The following PHF20L1 variants were observed in gnomAD, a reference collection of about 807,000 sequenced individuals.
PHF20L1 encodes PHD finger protein 20-like protein 1.
Under a neutral mutation model 125.5 loss-of-function variants are expected in PHF20L1, and 44 were observed. The ratio of observed to expected loss-of-function variants is 0.35; its 90% CI spans 0.28 to 0.45. The LOEUF (loss-of-function observed/expected upper bound fraction) is 0.45. Among genes scored for constraint, PHF20L1 ranks in the 20% least tolerant of loss-of-function variants. PHF20L1 has a pLI of 1.00. For synonymous variants in PHF20L1, 380 were observed against 403.1 expected, an observed-to-expected ratio of 0.94 and a Z score of 0.69; for missense variants, 1,012 against 1,217.2, an observed-to-expected ratio of 0.83 and a Z score of 2.51.
intron 19 of PHF20L1, 136 bp downstream of exon 19, chr8:132,843,011 A>G: frequency 7.1e-7 from 1 of 1,404,978 alleles, no homozygotes; most frequent in Non-Finnish European, 9.3e-7. Context: ...AAGTAAGGAG[A>G]TTTTTTTGTT....
At chr8:132,822,744 C>T (rs1046313802) in intron 12 of PHF20L1, among the ~76,000 whole-genome samples, 3 of 151,868 alleles carry the variant, frequency 2.0e-5, no homozygotes, top group African/African-American at 7.2e-5. Context: ...TAGGTTTAAA[C>T]TTACTTGCTA....
At chr8:132,785,539 G>A (rs1210371583) in intron 2 of PHF20L1, among the ~76,000 whole-genome samples, 1 of 152,066 alleles carries the variant, frequency 6.6e-6, no homozygotes, top group Admixed American at 6.6e-5. Context: ...GCTTAGTTCT[G>A]CTGTTCTTCA....
Position 132,842,522 on chromosome 8 carries a change from C to T in PHF20L1, c.2395C>T (p.His799Tyr), listed in dbSNP as rs983168721. The T allele has an allele frequency of 1.3e-6, 2 of 1,584,050 alleles. No homozygotes were observed. Among genetic ancestry groups the T allele is most frequent in the Non-Finnish European group, 1.7e-6 (2 of 1,170,658 alleles). The change falls in exon 19 of 21, where the codon CAT becomes TAT. Residue 799 changes from histidine to tyrosine, a missense_variant. Physicochemically the swap from His to Tyr is moderately conservative, Grantham distance 83. Transcript: ENST00000395386. ...TTCCAACTTTGTTTTAAGGAATAAA[C>T]ATCATCCTGACCTTCATCTCTGGGC... ...QLKIGILKNKHHPDLHLWACS... is the reference protein window; with the variant it reads ...QLKIGILKNKYHPDLHLWACS...
intron 15 of PHF20L1, among the ~76,000 whole-genome samples, chr8:132,833,919 C>T (rs757121017): frequency 5.9e-5 from 9 of 152,036 alleles, no homozygotes; most frequent in Non-Finnish European, 2.9e-5. Flanking sequence ...ATTTCTGGGC[C>T]TCACCCTCAG....
chr8:132,808,510 A>G, intron 8 of PHF20L1: 1 of 152,092 alleles, frequency 6.6e-6, no homozygotes, highest in Non-Finnish European at 1.5e-5. Flanking sequence ...AATATATTGA[A>G]TAGCAAGATT....
chr8:132,807,647 C>A, intron 8 of PHF20L1: 1 of 439,598 alleles, frequency 2.3e-6, no homozygotes, highest in South Asian at 1.6e-5. Context: ...AAGAATGTAA[C>A]CACTTTGCTC....
rs748950641 is a variant in PHF20L1, at chr8:132,839,563, C to T, written c.2368C>T (p.Leu790=). 3 of 1,612,614 alleles carry T rather than the reference C, an allele frequency of 1.9e-6. No individual in the cohort carries two copies. The East Asian group carries it at 6.7e-5, about 36-fold the overall frequency. ...GVTEVLHGLQ[L]KIGILKNKHH... Reference sequence around the variant, plus strand: ...TACAGAAGTGCTACACGGGCTACAGCTGAAGATTGGAATACTAAAGTAAGT... The same window carrying T: ...TACAGAAGTGCTACACGGGCTACAGTTGAAGATTGGAATACTAAAGTAAGT... The change falls in exon 18 of 21, where the codon CTG becomes TTG. Residue 790 remains leucine (L), a synonymous_variant. Transcript: ENST00000395386.
At chr8:132,820,549 A>G (rs1835464203) in intron 12 of PHF20L1, among the ~76,000 whole-genome samples, 1 of 151,958 alleles carries the variant, frequency 6.6e-6, no homozygotes, top group African/African-American at 2.4e-5. Context: ...GTAAAGGAAC[A>G]AAAGATTGCC....
rs201438683 is a variant in PHF20L1 at position 132,843,526 on chromosome 8, TAA to T, written c.2749-628_2749-627del. The T allele has an allele frequency of 7.6e-4, 751 of 985,030 alleles. 4 individuals carry two copies. In the African/African-American group the frequency reaches 0.012, roughly 16 times the overall value. 61.0% of individuals were successfully genotyped at this position (985,030 alleles called of 1,614,324 possible). A position where few individuals can be genotyped will look rare whatever the true frequency, so the allele number is the denominator to read the frequency against. ...ATTGGAACGTTTGTATTTCGTATCA[TAA>T]AGTTTGTGGTAAGTTATTTTGTTTA... On this transcript the variant is annotated intron_variant, in intron 19 of 20. Coordinates refer to ENST00000395386, the MANE Select transcript of PHF20L1 (RefSeq NM_016018.5).
chr8:132,815,058 T>C, intron 10 of PHF20L1, 169 bp downstream of exon 10: 1 of 524,274 alleles, frequency 1.9e-6, no homozygotes, highest in East Asian at 3.1e-5. Flanking sequence ...CATTTCTTAC[T>C]GATTTATTGC....
intron 6 of PHF20L1, among the ~76,000 whole-genome samples, chr8:132,803,169 T>G (rs1324176302): frequency 6.6e-6 from 1 of 151,410 alleles, no homozygotes; most frequent in Non-Finnish European, 1.5e-5. Context: ...GTATAGGGAG[T>G]TAATGTGGAG....
chr8:132,783,109 G>C lies in PHF20L1; in HGVS notation c.83+5198G>C, dbSNP rs1830622274. On this transcript the variant is annotated intron_variant, in intron 2 of 20. Coordinates refer to ENST00000395386, the MANE Select transcript of PHF20L1 (RefSeq NM_016018.5). ...AACACAAGAGATTAAATAACATGCT[G>C]TGGTGTTAATCTTAAAATAAATTTG... Among the ~76,000 whole-genome samples, 5 of 152,250 alleles carry C rather than the reference G, an allele frequency of 3.3e-5. No homozygotes were observed. The South Asian group carries it at 1.0e-3, about 32-fold the overall frequency.
At position 132,842,578 on chromosome 8, in the gene PHF20L1, A is replaced by G; in HGVS notation, c.2451A>G (p.Gln817=). The G allele has an allele frequency of 6.2e-7, 1 of 1,612,940 alleles. No homozygotes were observed. Among genetic ancestry groups the G allele is most frequent in the Non-Finnish European group, 8.5e-7 (1 of 1,179,466 alleles). ...CCGGGAAGCGAAAAGACCAAGATCA[A>G]ATAATAGCTGGGGTGGAGAAAAAAA... ...ACSGKRKDQD[Q]IIAGVEKKIA... The change falls in exon 19 of 21, where the codon CAA becomes CAG. Residue 817 remains glutamine (Q), a synonymous_variant. Transcript: ENST00000395386.
In PHF20L1 at chr8:132,848,293, A is replaced by G. The variant is rs926279950; in HGVS notation, c.*2370A>G. Reference sequence around the variant, plus strand: ...TAGATCTTTAAATCAAATTATTTTTATGCATATTTTCATTTAATATAGAGT... The same window carrying G: ...TAGATCTTTAAATCAAATTATTTTTGTGCATATTTTCATTTAATATAGAGT... On this transcript the variant is annotated 3_prime_UTR_variant, in exon 21 of 21. Transcript: ENST00000395386. The G allele has an allele frequency of 2.6e-5, 4 of 152,532 alleles. No individual in the cohort carries two copies. Among genetic ancestry groups the G allele is most frequent in the Non-Finnish European group, 4.4e-5 (3 of 67,982 alleles). The allele number at this position is 152,532 out of a possible 1,614,324, so 9.4% of individuals were successfully genotyped here. A position where few individuals can be genotyped will look rare whatever the true frequency, so the allele number is the denominator to read the frequency against.
In PHF20L1 at chr8:132,813,279, A is replaced by G. The variant is rs79855125; in HGVS notation, c.931-1358A>G. 1,177 of 176,766 alleles carry G rather than the reference A, an allele frequency of 6.7e-3. 14 individuals carry two copies. Among genetic ancestry groups the G allele is most frequent in the African/African-American group, 0.027 (1,130 of 41,982 alleles). 10.9% of individuals were successfully genotyped at this position (176,766 alleles called of 1,614,324 possible). ...TATGAAGTACCTTTTCAAATAATTA[A>G]TCTGCACTTATACACATTTATAATG... On this transcript the variant is annotated intron_variant, in intron 9 of 20. Coordinates refer to ENST00000395386, the MANE Select transcript of PHF20L1 (RefSeq NM_016018.5).
intron 9 of PHF20L1, 121 bp from the exon 10 acceptor site, chr8:132,814,516 A>T (rs1834752617): frequency 1.2e-5 from 7 of 584,126 alleles, no homozygotes; most frequent in Non-Finnish European, 1.9e-5. Flanking sequence ...TTGTAATAGA[A>T]ATGTTATATG....
chr8:132,811,356 G>T, intron 9 of PHF20L1: 1 of 1,232,046 alleles, frequency 8.1e-7, no homozygotes, highest in African/African-American at 1.5e-5. Flanking sequence ...TCCAAAATTT[G>T]AAGGCCTGGA....
chr8:132,776,070 T>A (rs1441637726), intron 1 of PHF20L1, among the ~76,000 whole-genome samples: 2 of 152,234 alleles, frequency 1.3e-5, no homozygotes, highest in African/African-American at 2.4e-5. Context: ...TGCCATTCTT[T>A]GCTCCTTTCC....
rs779593917 is a variant in PHF20L1 at position 132,817,335 on chromosome 8, G to T, written c.1373-4G>T. 2 of 1,607,174 alleles carry T rather than the reference G, an allele frequency of 1.2e-6. No individual in the cohort carries two copies. Among genetic ancestry groups the T allele is most frequent in the South Asian group, 1.1e-5 (1 of 90,922 alleles). On this transcript the variant is annotated splice_polypyrimidine_tract_variant and splice_region_variant and intron_variant, in intron 11 of 20. Transcript: ENST00000395386. The stretch of plus-strand genomic sequence containing the variant: ...TATTACATTACACTCTTTATTTTGT[G>T]TAGTGCCTGATGTTGCACATTTGCC...
Sources: gnomAD v4.1 joint callset for allele counts (sites outside exome capture counted in the v4.1 genomes callset) on GRCh38, gnomAD v4.1.1 for gene constraint, MANE v1.5 for transcripts, NCBI Gene and HGNC (gene_info 2026-07-23, HGNC 2026-07-21) for gene names.